The following NR1H3 variants were observed in gnomAD, a reference collection of about 807,000 sequenced individuals.
The protein encoded by NR1H3 is nuclear receptor subfamily 1 group H member 3.
A neutral mutation model predicts 48.1 loss-of-function variants in NR1H3; 19 were observed. That is an observed-to-expected ratio of 0.40 (90% CI 0.28 to 0.58). The LOEUF is 0.58. NR1H3 is among the 20% of genes least tolerant of loss of function. The pLI, the probability that NR1H3 is intolerant of heterozygous loss-of-function variation, is 0.50. For missense variants in NR1H3, 486 were observed against 595.9 expected (o/e 0.82, Z 1.92); for synonymous variants, 232 against 227.3 (o/e 1.02, Z -0.19).
At position 47,259,906 on chromosome 11, in the gene NR1H3, T is replaced by C. The variant is rs560278186; in HGVS notation, c.159T>C (p.Thr53=). The C allele has an allele frequency of 3.7e-6, 6 of 1,611,622 alleles. No individual in the cohort carries two copies. In the South Asian group the frequency reaches 4.4e-5, roughly 12 times the overall value. The change falls in exon 3 of 10, where the codon ACT becomes ACC. Residue 53 remains threonine (T), a synonymous_variant. Coordinates refer to ENST00000441012, the MANE Select transcript of NR1H3 (RefSeq NM_005693.4). ...EARMPHSAGG[T]AGVGLEAAEP... The stretch of plus-strand genomic sequence containing the variant: ...GGATGCCCCACTCTGCTGGGGGTAC[T>C]GCAGGGGTGGGGCTGGAGGCTGCAG...
In NR1H3 at chr11:47,258,058, C is replaced by T; in HGVS notation, c.-109C>T. On this transcript the variant is annotated 5_prime_UTR_variant, in exon 1 of 10. Transcript: ENST00000441012. Reference sequence around the variant, plus strand: ...ACCGAGACTTCTGGACAGGAAACTGCACCATCCTCTTCTCCCAGCAAGGGG... The same window carrying T: ...ACCGAGACTTCTGGACAGGAAACTGTACCATCCTCTTCTCCCAGCAAGGGG... The T allele has an allele frequency of 1.0e-6, 1 of 985,476 alleles. No homozygotes were observed. The highest frequency in any genetic ancestry group is 1.2e-6 in the Non-Finnish European group (1 of 830,132). 61.0% of individuals were successfully genotyped at this position (985,476 alleles called of 1,614,324 possible). A position where few individuals can be genotyped will look rare whatever the true frequency, so the allele number is the denominator to read the frequency against.
At chr11:47,263,522 C>T (rs1790350492) in intron 7 of NR1H3, among the ~76,000 whole-genome samples, 1 of 151,688 alleles carries the variant, frequency 6.6e-6, no homozygotes, top group Admixed American at 6.6e-5. Context: ...GTGATCCACC[C>T]ACCTCGGCCT....
At chr11:47,266,791 A>G (rs1323632597) in intron 7 of NR1H3, among the ~76,000 whole-genome samples, 1 of 150,996 alleles carries the variant, frequency 6.6e-6, no homozygotes, top group African/African-American at 2.4e-5. Flanking sequence ...ACAGGAGTGC[A>G]CCACCACGCC....
At chr11:47,252,775 A>C (rs1176673721) in intron 1 of NR1H3, among the ~76,000 whole-genome samples, 1 of 143,828 alleles carries the variant, frequency 7.0e-6, no homozygotes, top group Non-Finnish European at 1.5e-5. Context: ...TTTTTAGTAG[A>C]GACAGGGTTT....
chr11:47,268,147 T>A, intron 8 of NR1H3, 114 bp from the exon 9 acceptor site: 1 of 1,229,436 alleles, frequency 8.1e-7, no homozygotes, highest in Non-Finnish European at 1.2e-6. Context: ...TTTGCTGTGT[T>A]ATTTTAGGAT....
chr11:47,264,618 C>A (rs1199553535), intron 7 of NR1H3, among the ~76,000 whole-genome samples: 1 of 152,198 alleles, frequency 6.6e-6, no homozygotes, highest in African/African-American at 2.4e-5. Flanking sequence ...CTTGTGGAAC[C>A]CTGCCCAGTT....
chr11:47,250,167 G>A (rs1020988122), intron 1 of NR1H3, among the ~76,000 whole-genome samples: 8 of 152,286 alleles, frequency 5.3e-5, no homozygotes, highest in Admixed American at 4.6e-4. Flanking sequence ...AGCACTTTGG[G>A]AGGCCAGGGT....
At chr11:47,266,957 TAAAC>T (rs969555284) in intron 7 of NR1H3, among the ~76,000 whole-genome samples, 1 of 152,138 alleles carries the variant, frequency 6.6e-6, no homozygotes, top group African/African-American at 2.4e-5. Flanking sequence ...CGATTCTTGA[TAAAC>T]AAAAATAAGA....
At position 47,258,181 on chromosome 11, in the gene NR1H3, GGGGTC is replaced by G. The variant is rs951835409; in HGVS notation, c.-38+56_-38+60del. On this transcript the variant is annotated intron_variant, in intron 1 of 9. Transcript: ENST00000441012. ...GGGGCTCTGTGTGTGTATCTGGGGT[GGGGTC>G]GGGGAATGTCCTAAGGATCTGAGAA... The G allele has an allele frequency of 7.1e-6, 7 of 985,402 alleles. No homozygotes were observed. The African/African-American group carries it at 1.2e-4, about 17-fold the overall frequency. 61.0% of individuals were successfully genotyped at this position (985,402 alleles called of 1,614,324 possible). A position where few individuals can be genotyped will look rare whatever the true frequency, so the allele number is the denominator to read the frequency against.
At chr11:47,257,317 A>T (rs1955273608), upstream of NR1H3, among the ~76,000 whole-genome samples, 1 of 152,106 alleles carries the variant, frequency 6.6e-6, no homozygotes, top group South Asian at 2.1e-4. Flanking sequence ...CTGCCACCTG[A>T]GTTGCCTGTC....
At position 47,261,238 on chromosome 11, in the gene NR1H3, T is replaced by G; in HGVS notation, c.500-3T>G. On this transcript the variant is annotated splice_polypyrimidine_tract_variant and splice_region_variant and intron_variant, in intron 4 of 9. Transcript: ENST00000441012. ...CCTTCCTCATATTTGGCCCTGTCCT[T>G]AGGTGTCCTGTCAGAAGAACAGATC... The G allele has an allele frequency of 6.2e-7, 1 of 1,609,340 alleles. No individual in the cohort carries two copies. Among genetic ancestry groups the G allele is most frequent in the Non-Finnish European group, 8.5e-7 (1 of 1,177,620 alleles).
At chr11:47,261,490 A>T in intron 5 of NR1H3, 41 bp downstream of exon 5, 1 of 1,610,174 alleles carries the variant, frequency 6.2e-7, no homozygotes, top group Non-Finnish European at 8.5e-7. Flanking sequence ...CGCCCAGATC[A>T]CCAGTGGGCT....
At chr11:47,262,251 C>T (rs533973034) in intron 7 of NR1H3, among the ~76,000 whole-genome samples, 27 of 151,838 alleles carry the variant, frequency 1.8e-4, no homozygotes, top group African/African-American at 5.1e-4. Flanking sequence ...TGGTGGCACG[C>T]GCCTGTAGCC....
upstream of NR1H3, among the ~76,000 whole-genome samples, chr11:47,255,637 CTTTCTTTCTTTCT>C (rs1955089161): frequency 8.6e-6 from 1 of 115,696 alleles, no homozygotes; most frequent in Non-Finnish European, 1.8e-5. Flanking sequence ...TTCTTTCTTT[CTTTCTTTCTTTCT>C]CTTTCTCTCT....
At chr11:47,268,489 A>G in intron 9 of NR1H3, 61 bp from the exon 10 acceptor site, 1 of 1,607,018 alleles carries the variant, frequency 6.2e-7, no homozygotes, top group Non-Finnish European at 8.5e-7. Flanking sequence ...CAACTCCCCT[A>G]CTCTTGCCCC....
intron 9 of NR1H3, 31 bp downstream of exon 9, chr11:47,268,386 C>T: frequency 6.2e-7 from 1 of 1,606,584 alleles, no homozygotes; most frequent in Non-Finnish European, 8.5e-7. Flanking sequence ...CCTTTTCCTC[C>T]TTCCCACACA....
At chr11:47,259,292 C>G (rs769234205) in intron 2 of NR1H3, 33 bp downstream of exon 2, 1 of 1,614,138 alleles carries the variant, frequency 6.2e-7, no homozygotes, top group Admixed American at 1.7e-5. Flanking sequence ...CCCCTGAGCC[C>G]AGACCGCAGG....
upstream of NR1H3, among the ~76,000 whole-genome samples, chr11:47,255,567 TTCTTTCTTTC>T (rs1955032010): frequency 1.3e-5 from 1 of 77,724 alleles, no homozygotes; most frequent in Non-Finnish European, 2.4e-5. Flanking sequence ...CTTTCTTTCT[TTCTTTCTTTC>T]TTTCTTTCTT....
In NR1H3 at chr11:47,267,959, C is replaced by T; in HGVS notation, c.1035C>T (p.Ala345=). 3 of 1,614,112 alleles carry T rather than the reference C, an allele frequency of 1.9e-6. No individual in the cohort carries two copies. The highest frequency in any genetic ancestry group is 2.2e-5 in the South Asian group (2 of 91,082). ...FINPIFEFSR[A]MNELQLNDAE... is the part of the protein sequence containing the mutation. ...ACCCCATCTTCGAGTTCTCCAGGGC[C>T]ATGAATGAGCTGCAACTCAATGATG... Residue 345 remains alanine, a synonymous_variant, in exon 8 of 10, where the codon GCC becomes GCT. Coordinates refer to ENST00000441012, the MANE Select transcript of NR1H3 (RefSeq NM_005693.4).
Sources: gnomAD v4.1 joint callset for allele counts (sites outside exome capture counted in the v4.1 genomes callset) on GRCh38, gnomAD v4.1.1 for gene constraint, MANE v1.5 for transcripts, NCBI Gene and HGNC (gene_info 2026-07-23, HGNC 2026-07-21) for gene names.